Variants in RPSA2 observed in about 807,000 individuals in gnomAD.
The protein encoded by RPSA2 is ribosomal protein SA 2.
the RPSA2 span, among the ~76,000 whole-genome samples, chr19:23,788,937 G>A: frequency 6.6e-6 from 1 of 151,526 alleles, no homozygotes; most frequent in Admixed American, 6.6e-5. Context: ...GTTGCTCACT[G>A]AGAGCTTTGT....
chr19:23,803,353 G>A, the RPSA2 span, among the ~76,000 whole-genome samples: 1 of 152,086 alleles, frequency 6.6e-6, no homozygotes, highest in Admixed American at 6.5e-5. Context: ...AAACCCAAAA[G>A]CAGATAAATG....
At chr19:23,846,217 G>T in the RPSA2 span, among the ~76,000 whole-genome samples, 2 of 152,030 alleles carry the variant, frequency 1.3e-5, no homozygotes, top group Admixed American at 6.6e-5. Context: ...TACAAGTAAG[G>T]TGAGATTCTT....
At chr19:23,827,602 G>A in the RPSA2 span, 2 of 1,591,428 alleles carry the variant, frequency 1.3e-6, no homozygotes, top group Non-Finnish European at 1.7e-6. Context: ...CCATTGCGCT[G>A]TGTAACACAG....
At chr19:23,795,939 A>G in the RPSA2 span, among the ~76,000 whole-genome samples, 1 of 152,020 alleles carries the variant, frequency 6.6e-6, no homozygotes, top group Non-Finnish European at 1.5e-5. Flanking sequence ...TAATTTTTGC[A>G]TTTTTAGTAG....
the RPSA2 span, among the ~76,000 whole-genome samples, chr19:23,867,488 A>T: frequency 2.8e-3 from 426 of 152,208 alleles, 2 homozygotes; most frequent in African/African-American, 1.0e-2. Flanking sequence ...GTTTAGGAAA[A>T]TTCCTACAAG....
the RPSA2 span, among the ~76,000 whole-genome samples, chr19:23,828,854 A>T: frequency 6.6e-6 from 1 of 151,972 alleles, no homozygotes; most frequent in Non-Finnish European, 1.5e-5. Context: ...GTATTAAAAT[A>T]TATTGTTCTA....
chr19:23,846,418 T>C, the RPSA2 span, among the ~76,000 whole-genome samples: 1 of 152,198 alleles, frequency 6.6e-6, no homozygotes, highest in Non-Finnish European at 1.5e-5. Context: ...TAAAATTATG[T>C]CCTATTGTGA....
At chr19:23,807,174 T>C in the RPSA2 span, among the ~76,000 whole-genome samples, 1 of 152,204 alleles carries the variant, frequency 6.6e-6, no homozygotes, top group Non-Finnish European at 1.5e-5. Context: ...GCAGCTGCCC[T>C]GTTTTTGAGG....
At chr19:23,765,784 A>T in the RPSA2 span, among the ~76,000 whole-genome samples, 1 of 152,174 alleles carries the variant, frequency 6.6e-6, no homozygotes, top group Non-Finnish European at 1.5e-5. Flanking sequence ...TTAAAAAAAT[A>T]ATTTGTTAGC....
At chr19:23,868,285 A>C in the RPSA2 span, among the ~76,000 whole-genome samples, 1 of 152,206 alleles carries the variant, frequency 6.6e-6, no homozygotes, top group Non-Finnish European at 1.5e-5. Context: ...TTAATCAGAG[A>C]CATGCTACAA....
At chr19:23,858,141 G>A in the RPSA2 span, among the ~76,000 whole-genome samples, 1 of 151,200 alleles carries the variant, frequency 6.6e-6, no homozygotes, top group Non-Finnish European at 1.5e-5. Context: ...ACTGGTTTAG[G>A]AATCATGTTT....
chr19:23,852,622 C>CA, the RPSA2 span, among the ~76,000 whole-genome samples: 1,839 of 9,906 alleles, frequency 0.19, 17 homozygotes, highest in South Asian at 0.51. Context: ...AGCGATTTTC[C>CA]GCCTGGGTGG....
the RPSA2 span, among the ~76,000 whole-genome samples, chr19:23,829,051 C>T: frequency 6.6e-6 from 1 of 151,950 alleles, no homozygotes; most frequent in African/African-American, 2.4e-5. Flanking sequence ...ATTTCAAGCA[C>T]ATTTTATAAA....
At chr19:23,842,781 C>A in the RPSA2 span, 3 of 152,052 alleles carry the variant, frequency 2.0e-5, no homozygotes, top group Non-Finnish European at 2.9e-5. Context: ...TTAGATCAAC[C>A]CTTTTAAGGA....
At chr19:23,869,605 C>T in the RPSA2 span, among the ~76,000 whole-genome samples, 1 of 152,152 alleles carries the variant, frequency 6.6e-6, no homozygotes, top group Non-Finnish European at 1.5e-5. Context: ...ACTTCACTGC[C>T]ATTGGTGGCA....
the RPSA2 span, chr19:23,809,367 C>G: frequency 0.98 from 149,027 of 152,350 alleles, 72,980 homozygotes; most frequent in Middle Eastern, 1. Context: ...GTAGTTTCAT[C>G]TATGTTTTAG....
the RPSA2 span, chr19:23,823,778 A>T: frequency 6.6e-6 from 1 of 152,284 alleles, no homozygotes; most frequent in Non-Finnish European, 1.5e-5. Context: ...ATCATCCTGT[A>T]GCCCCTTAGA....
chr19:23,854,980 A>C, the RPSA2 span, among the ~76,000 whole-genome samples: 3 of 152,220 alleles, frequency 2.0e-5, no homozygotes, highest in African/African-American at 7.2e-5. Flanking sequence ...CGTGCTCATC[A>C]GAGACAGATT....
chr19:23,762,215 C>A, the RPSA2 span, among the ~76,000 whole-genome samples: 2 of 151,422 alleles, frequency 1.3e-5, no homozygotes, highest in African/African-American at 4.8e-5. Flanking sequence ...CGTGCCCGGC[C>A]CGGTAACATA....
Sources: allele counts gnomAD v4.1 joint callset (sites outside exome capture counted in the v4.1 genomes callset), GRCh38; gene constraint gnomAD v4.1.1; transcripts MANE v1.5; gene names NCBI Gene and HGNC (gene_info 2026-07-23, HGNC 2026-07-21).